Variants in SLFN5 observed in about 807,000 individuals in gnomAD.
SLFN5 encodes schlafen family member 5.
Under a neutral mutation model 48.5 loss-of-function variants are expected in SLFN5, and 34 were observed. That is an observed-to-expected ratio of 0.70 (90% CI 0.53 to 0.93). SLFN5 has a LOEUF of 0.93. Among genes scored for constraint, SLFN5 ranks in the 40% least tolerant of loss-of-function variants. SLFN5 has a pLI of 0.00. For synonymous variants in SLFN5, 387 were observed against 396.2 expected, an observed-to-expected ratio of 0.98 and a Z score of 0.28; for missense variants, 1,006 against 1,071.3, an observed-to-expected ratio of 0.94 and a Z score of 0.85.
intron 2 of SLFN5, among the ~76,000 whole-genome samples, chr17:35,260,334 A>G (rs957627306): frequency 2.6e-5 from 4 of 152,214 alleles, no homozygotes; most frequent in African/African-American, 9.7e-5. Flanking sequence ...TCAAAGGTCC[A>G]GAAAAAACAA....
chr17:35,254,270 A>T (rs1489057523), intron 1 of SLFN5, among the ~76,000 whole-genome samples: 1 of 152,156 alleles, frequency 6.6e-6, no homozygotes, highest in Non-Finnish European at 1.5e-5. Context: ...CAGTTTACTA[A>T]GTGATCTGTC....
intron 1 of SLFN5, among the ~76,000 whole-genome samples, chr17:35,252,822 C>A (rs2092445409): frequency 6.6e-6 from 1 of 151,994 alleles, no homozygotes; most frequent in Non-Finnish European, 1.5e-5. Context: ...GTTCCTTAGA[C>A]ACAGTAAGGA....
chr17:35,243,276 A>C (rs970156270), intron 1 of SLFN5, 133 bp downstream of exon 1: 1 of 152,248 alleles, frequency 6.6e-6, no homozygotes, highest in East Asian at 1.9e-4. Context: ...CGCTGCCGGG[A>C]GAGAGTCTTT....
In SLFN5 at chr17:35,265,693, A is replaced by G. The variant is rs1246763567; in HGVS notation, c.2481A>G (p.Leu827=). 2 of 1,614,110 alleles carry G rather than the reference A, an allele frequency of 1.2e-6. No homozygotes were observed. The highest frequency in any genetic ancestry group is 1.7e-6 in the Non-Finnish European group (2 of 1,180,046). Residue 827 remains leucine (L), a synonymous_variant, in exon 5 of 5, where the codon CTA becomes CTG. Coordinates refer to ENST00000299977, the MANE Select transcript of SLFN5 (RefSeq NM_144975.4). The part of the protein sequence containing the change: ...SQLHEESDLL[L]QIGDASDVLT... ...TCCATGAGGAGTCTGATCTGTTACT[A>G]CAGATCGGTGATGCGTCGGATGTTC... is the stretch of plus-strand genomic sequence containing the variant.
chr17:35,264,390 C>T lies in SLFN5; in HGVS notation c.1346C>T (p.Thr449Ile), dbSNP rs1377094054. The T allele has an allele frequency of 6.2e-7, 1 of 1,614,052 alleles. No homozygotes were observed. Among genetic ancestry groups the T allele is most frequent in the African/African-American group, 1.3e-5 (1 of 74,914 alleles). ...GCTCTTCTAATTTCCCAGAACAACA[C>T]CCCTATTCTCTACACCATCTTCAGC... ...CDALLISQNN[T>I]PILYTIFSKW... Residue 449 changes from threonine (T) to isoleucine (I), a missense_variant, in exon 4 of 5, where the codon ACC becomes ATC. Coordinates refer to ENST00000299977, the MANE Select transcript of SLFN5 (RefSeq NM_144975.4).
At chr17:35,260,062 T>G (rs1310544981) in intron 2 of SLFN5, among the ~76,000 whole-genome samples, 2 of 152,226 alleles carry the variant, frequency 1.3e-5, no homozygotes, top group African/African-American at 4.8e-5. Context: ...GAAATTTCTT[T>G]TTTTCACATG....
intron 1 of SLFN5, among the ~76,000 whole-genome samples, chr17:35,250,362 G>T (rs2092439464): frequency 6.6e-6 from 1 of 152,104 alleles, no homozygotes; most frequent in African/African-American, 2.4e-5. Flanking sequence ...AGATGCTCAA[G>T]TAAGAGTTAA....
rs576650426 is a variant in SLFN5, at chr17:35,264,497, A to C, written c.1453A>C (p.Thr485Pro). 1.1e-5 allele frequency: 18 copies of C among 1,614,030 alleles called. No homozygotes were observed. In the African/African-American group the frequency reaches 1.3e-4, roughly 12 times the overall value. The change falls in exon 4 of 5, where the codon ACT becomes CCT. Residue 485 changes from threonine (T) to proline (P), a missense_variant. By Grantham distance (38) the Thr-to-Pro change is conservative (BLOSUM62 -1). Coordinates refer to ENST00000299977, the MANE Select transcript of SLFN5 (RefSeq NM_144975.4). ...KQKLVNKGGY[T>P]GRLCITPLVC... ...GAAGCTGGTGAACAAAGGCGGCTAC[A>C]CTGGGAGGTTATGCATCACCCCCTT...
chr17:35,267,600 G>T lies in SLFN5; in HGVS notation c.*1712G>T, dbSNP rs71381427. ...CTGGGAATGGTGATGCACACCTGGAGTCCTAGCTACTCAGAAGGCTGAGGC... is the reference window on the plus strand; with the variant it reads ...CTGGGAATGGTGATGCACACCTGGATTCCTAGCTACTCAGAAGGCTGAGGC... On this transcript the variant is annotated 3_prime_UTR_variant, in exon 5 of 5. Coordinates refer to ENST00000299977, the MANE Select transcript of SLFN5 (RefSeq NM_144975.4). The T allele has an allele frequency of 0.085, 12,981 of 152,202 alleles. 664 individuals are homozygous for T. Among genetic ancestry groups the T allele is most frequent in the East Asian group, 0.22 (1,137 of 5,172 alleles). 9.4% of individuals were successfully genotyped at this position (152,202 alleles called of 1,614,324 possible).
chr17:35,259,738 GC>G, intron 2 of SLFN5, 36 bp downstream of exon 2: 1 of 1,589,556 alleles, frequency 6.3e-7, no homozygotes, highest in Non-Finnish European at 8.5e-7. Flanking sequence ...TGTAATGTTT[GC>G]TGGCAGCAAG....
chr17:35,268,000 A>G lies in SLFN5; in HGVS notation c.*2112A>G, dbSNP rs1035050702. The stretch of plus-strand genomic sequence containing the variant: ...TTTTCCAGGATTTCACATGAATTCA[A>G]TGAAGGGGGCTGTGTCTTATTCCTG... On this transcript the variant is annotated 3_prime_UTR_variant, in exon 5 of 5. Transcript: ENST00000299977. The G allele has an allele frequency of 1.3e-5, 2 of 152,226 alleles. No individual in the cohort carries two copies. Among genetic ancestry groups the G allele is most frequent in the Non-Finnish European group, 2.9e-5 (2 of 68,046 alleles). 9.4% of individuals were successfully genotyped at this position (152,226 alleles called of 1,614,324 possible). A position where few individuals can be genotyped will look rare whatever the true frequency, so the allele number is the denominator to read the frequency against.
At chr17:35,251,255 G>A (rs1337819393) in intron 1 of SLFN5, among the ~76,000 whole-genome samples, 1 of 152,200 alleles carries the variant, frequency 6.6e-6, no homozygotes, top group African/African-American at 2.4e-5. Flanking sequence ...CTCTTGACCT[G>A]TTTAAAAGGC....
At position 35,269,564 on chromosome 17, in the gene SLFN5, G is replaced by A. The variant is rs1904783808; in HGVS notation, c.*3676G>A. On this transcript the variant is annotated 3_prime_UTR_variant, in exon 5 of 5. Coordinates refer to ENST00000299977, the MANE Select transcript of SLFN5 (RefSeq NM_144975.4). The stretch of plus-strand genomic sequence containing the variant: ...ATAAAATGACAAGCTGACCAAATAG[G>A]CCTTAGAAGGGAGAGGTGCCTGGGC... The A allele has an allele frequency of 6.6e-6, 1 of 152,170 alleles. No individual in the cohort carries two copies. Among genetic ancestry groups the A allele is most frequent in the Non-Finnish European group, 1.5e-5 (1 of 68,034 alleles). 9.4% of individuals were successfully genotyped at this position (152,170 alleles called of 1,614,324 possible). A position where few individuals can be genotyped will look rare whatever the true frequency, so the allele number is the denominator to read the frequency against.
chr17:35,268,527 G>A lies in SLFN5; in HGVS notation c.*2639G>A, dbSNP rs570103401. ...AGGTCAGGAGTTCAAGTCCAGCCTG[G>A]CCAACGTGGTGAAATCCTGTCTCTA... On this transcript the variant is annotated 3_prime_UTR_variant, in exon 5 of 5. Coordinates refer to ENST00000299977, the MANE Select transcript of SLFN5 (RefSeq NM_144975.4). The A allele has an allele frequency of 2.3e-4, 35 of 152,238 alleles. No homozygotes were observed. The highest frequency in any genetic ancestry group is 6.2e-4 in the South Asian group (3 of 4,820). The allele number at this position is 152,238 out of a possible 1,614,324, so 9.4% of individuals were successfully genotyped here. A position where few individuals can be genotyped will look rare whatever the true frequency, so the allele number is the denominator to read the frequency against.
chr17:35,259,332 G>A lies in SLFN5; in HGVS notation c.642G>A (p.Lys214=). ...ACTGTGTTAAAGACAGACTTCCGAAGTGTGTTTCTGCATTTGCAAATACTG... is the reference window on the plus strand; with the variant it reads ...ACTGTGTTAAAGACAGACTTCCGAAATGTGTTTCTGCATTTGCAAATACTG... ...VSHCVKDRLP[K]CVSAFANTEG... Residue 214 remains lysine, a synonymous_variant, in exon 2 of 5, where the codon AAG becomes AAA. Transcript: ENST00000299977. The A allele has an allele frequency of 6.2e-7, 1 of 1,614,164 alleles. No individual in the cohort carries two copies. Among genetic ancestry groups the A allele is most frequent in the Non-Finnish European group, 8.5e-7 (1 of 1,180,048 alleles).
At position 35,270,816 on chromosome 17, in the gene SLFN5, C is replaced by T. The variant is rs535720684; in HGVS notation, c.*4928C>T. On this transcript the variant is annotated 3_prime_UTR_variant, in exon 5 of 5. Coordinates refer to ENST00000299977, the MANE Select transcript of SLFN5 (RefSeq NM_144975.4). ...CAGGGTTGGTTGTCAGTTGTGACAA[C>T]CAAAAATGTCTCCAGACATCGCCAA... is the stretch of plus-strand genomic sequence containing the variant. 2.0e-5 allele frequency: 3 copies of T among 152,192 alleles called. No homozygotes were observed. The highest frequency in any genetic ancestry group is 7.2e-5 in the African/African-American group (3 of 41,516). 9.4% of individuals were successfully genotyped at this position (152,192 alleles called of 1,614,324 possible). A position where few individuals can be genotyped will look rare whatever the true frequency, so the allele number is the denominator to read the frequency against.
chr17:35,251,572 A>AT (rs1322327580), intron 1 of SLFN5, among the ~76,000 whole-genome samples: 2 of 149,950 alleles, frequency 1.3e-5, no homozygotes, highest in East Asian at 3.9e-4. Flanking sequence ...CGCCAGGTTA[A>AT]TTTTTTGTAT....
rs761571205 is a variant in SLFN5 at position 35,265,809 on chromosome 17, C to G, written c.2597C>G (p.Pro866Arg). 2 of 1,614,158 alleles carry G rather than the reference C, an allele frequency of 1.2e-6. No individual in the cohort carries two copies. The highest frequency in any genetic ancestry group is 8.5e-7 in the Non-Finnish European group (1 of 1,180,038). ...GGAATCAATCCAGGAGTAGCCCCACCGGCTGGGGCCTACAATCTTCTGCTC... is the reference window on the plus strand; with the variant it reads ...GGAATCAATCCAGGAGTAGCCCCACGGGCTGGGGCCTACAATCTTCTGCTC... ...VFGINPGVAP[P>R]AGAYNLLLCL... is the part of the protein sequence containing the mutation. Residue 866 changes from proline (P) to arginine (R), a missense_variant, in exon 5 of 5, where the codon CCG becomes CGG. Physicochemically the swap from Pro to Arg is moderately radical, Grantham distance 103 (BLOSUM62 -2). Coordinates refer to ENST00000299977, the MANE Select transcript of SLFN5 (RefSeq NM_144975.4).
At chr17:35,260,472 T>C (rs1045436942) in intron 2 of SLFN5, among the ~76,000 whole-genome samples, 5 of 152,020 alleles carry the variant, frequency 3.3e-5, no homozygotes, top group African/African-American at 1.2e-4. Context: ...TGCCTGTAAC[T>C]CCAGCACTTT....
Sources: gnomAD v4.1 joint callset for allele counts (sites outside exome capture counted in the v4.1 genomes callset) on GRCh38, gnomAD v4.1.1 for gene constraint, MANE v1.5 for transcripts, NCBI Gene and HGNC (gene_info 2026-07-23, HGNC 2026-07-21) for gene names.